Variants in FYTTD1 observed in about 807,000 individuals in gnomAD.
FYTTD1 encodes the protein UAP56-interacting factor.
FYTTD1 carries 22 observed loss-of-function variants against 40.9 expected under a neutral mutation model. The ratio of observed to expected loss-of-function variants is 0.54; its 90% CI spans 0.38 to 0.77. FYTTD1 has a LOEUF of 0.77. FYTTD1 is among the 30% of genes least tolerant of loss of function. The pLI is 0.00. For synonymous variants in FYTTD1, 140 were observed against 137.9 expected (o/e 1.01, Z -0.10); for missense variants, 351 against 392.2 (o/e 0.90, Z 0.89).
At position 197,783,797 on chromosome 3, in the gene FYTTD1, G is replaced by C. The variant is rs1730090153; in HGVS notation, c.*1888G>C. 1 of 152,398 alleles carries C rather than the reference G, an allele frequency of 6.6e-6. No individual in the cohort carries two copies. The highest frequency in any genetic ancestry group is 1.9e-4 in the East Asian group (1 of 5,192). 9.4% of individuals were successfully genotyped at this position (152,398 alleles called of 1,614,324 possible). The stretch of plus-strand genomic sequence containing the variant: ...GGTATAAAGGTGTTTTCATTTTCCT[G>C]TTCTTACCTATTATTGTATAGAGCT... On this transcript the variant is annotated 3_prime_UTR_variant, in exon 9 of 9. Transcript: ENST00000241502.
chr3:197,759,267 T>C (rs189667862), intron 2 of FYTTD1, among the ~76,000 whole-genome samples: 14 of 150,300 alleles, frequency 9.3e-5, no homozygotes, highest in Admixed American at 4.0e-4. Context: ...ATAGAGTTGT[T>C]CTTCAGTGGT....
chr3:197,777,677 A>G (rs1333172176), intron 7 of FYTTD1, among the ~76,000 whole-genome samples: 5 of 151,968 alleles, frequency 3.3e-5, no homozygotes, highest in African/African-American at 7.3e-5. Context: ...TTGCTTTATA[A>G]ACTTTGTCAA....
chr3:197,752,640 C>A (rs767826527), intron 1 of FYTTD1, among the ~76,000 whole-genome samples: 1 of 151,626 alleles, frequency 6.6e-6, no homozygotes, highest in Non-Finnish European at 1.5e-5. Flanking sequence ...TATTTTTATA[C>A]ATACACTATA....
chr3:197,785,569 A>G lies in FYTTD1; in HGVS notation c.*3660A>G, dbSNP rs1356772894. On this transcript the variant is annotated 3_prime_UTR_variant, in exon 9 of 9. Transcript: ENST00000241502. Reference sequence around the variant, plus strand: ...TAGCTTTGTAATTCACACAAAGTATACGGGCCCAGCAGGCCTCATTGCTCA... The same window carrying G: ...TAGCTTTGTAATTCACACAAAGTATGCGGGCCCAGCAGGCCTCATTGCTCA... The G allele has an allele frequency of 6.6e-6, 1 of 151,856 alleles. No individual in the cohort carries two copies. Among genetic ancestry groups the G allele is most frequent in the Non-Finnish European group, 1.5e-5 (1 of 67,992 alleles). 9.4% of individuals were successfully genotyped at this position (151,856 alleles called of 1,614,324 possible).
At chr3:197,776,850 G>A (rs1729889305) in intron 6 of FYTTD1, 77 bp from the exon 7 acceptor site, 1 of 958,732 alleles carries the variant, frequency 1.0e-6, no homozygotes, top group Admixed American at 2.2e-5. Context: ...TACTTTTAAT[G>A]TTCATTTTTA....
chr3:197,768,669 AT>A (rs2109047034), intron 3 of FYTTD1, 82 bp downstream of exon 3: 2 of 1,203,434 alleles, frequency 1.7e-6, no homozygotes, highest in African/African-American at 1.5e-5. Flanking sequence ...TTAAGAGAGA[AT>A]TTTATTTGTT....
intron 2 of FYTTD1, among the ~76,000 whole-genome samples, chr3:197,756,758 G>A (rs941487105): frequency 7.9e-5 from 12 of 152,118 alleles, no homozygotes; most frequent in South Asian, 2.1e-4. Flanking sequence ...TCTCTTAAAC[G>A]TTGTAAGTCA....
At chr3:197,761,290 C>T (rs149875346) in intron 2 of FYTTD1, among the ~76,000 whole-genome samples, 482 of 145,650 alleles carry the variant, frequency 3.3e-3, no homozygotes, top group Middle Eastern at 4.7e-3. Context: ...AGAGTTGTTC[C>T]TCAGTGGTGG....
chr3:197,781,654 T>C (rs1351682074), intron 8 of FYTTD1, among the ~76,000 whole-genome samples, 157 bp from the exon 9 acceptor site: 1 of 152,200 alleles, frequency 6.6e-6, no homozygotes, highest in Non-Finnish European at 1.5e-5. Context: ...TAATGTAGGC[T>C]TTATATGAGG....
chr3:197,780,566 G>A (rs1194038921), intron 8 of FYTTD1, among the ~76,000 whole-genome samples: 1 of 149,026 alleles, frequency 6.7e-6, no homozygotes, highest in Non-Finnish European at 1.5e-5. Context: ...TTTTTGAGAT[G>A]GAGTCTTGCT....
intron 3 of FYTTD1, among the ~76,000 whole-genome samples, chr3:197,769,895 C>T (rs1257255781): frequency 4.6e-5 from 7 of 152,096 alleles, no homozygotes; most frequent in African/African-American, 1.4e-4. Flanking sequence ...TCCAGAGCCA[C>T]GATTCCCCAT....
At chr3:197,766,927 A>G (rs1034781733) in intron 2 of FYTTD1, among the ~76,000 whole-genome samples, 3 of 152,192 alleles carry the variant, frequency 2.0e-5, no homozygotes, top group African/African-American at 7.2e-5. Flanking sequence ...TTTAAAATAT[A>G]TGTATACAAG....
chr3:197,774,936 CTT>C (rs1729833340), intron 6 of FYTTD1, among the ~76,000 whole-genome samples: 1 of 152,234 alleles, frequency 6.6e-6, no homozygotes, highest in Non-Finnish European at 1.5e-5. Context: ...ATAAATAAAT[CTT>C]GTTTTGTCCT....
chr3:197,751,302 C>G (rs1729032672), intron 1 of FYTTD1, among the ~76,000 whole-genome samples: 2 of 152,192 alleles, frequency 1.3e-5, no homozygotes, highest in Non-Finnish European at 2.9e-5. Context: ...TAGGTTTGGC[C>G]TCAAGTCTTG....
intron 4 of FYTTD1, among the ~76,000 whole-genome samples, chr3:197,771,749 C>G (rs1046498825): frequency 2.2e-5 from 3 of 139,480 alleles, no homozygotes; most frequent in South Asian, 2.3e-4. Flanking sequence ...TGCACTCCAG[C>G]CTGGGCGACA....
chr3:197,762,049 T>A (rs1426102202), intron 2 of FYTTD1, among the ~76,000 whole-genome samples: 1 of 152,192 alleles, frequency 6.6e-6, no homozygotes, highest in Non-Finnish European at 1.5e-5. Context: ...CCAGGGTCAC[T>A]TTTGTAAGGA....
chr3:197,756,004 T>C (rs1729202997), intron 1 of FYTTD1, among the ~76,000 whole-genome samples: 1 of 151,230 alleles, frequency 6.6e-6, no homozygotes, highest in South Asian at 2.1e-4. Flanking sequence ...AATGGAGGCT[T>C]CTGTGATTAT....
At chr3:197,771,776 CAA>C (rs755304777) in intron 4 of FYTTD1, among the ~76,000 whole-genome samples, 2 of 66,418 alleles carry the variant, frequency 3.0e-5, no homozygotes, top group Admixed American at 2.1e-4. Flanking sequence ...GACTCCGTCT[CAA>C]AAAAAAAAAA....
chr3:197,754,339 A>G (rs540179061), intron 1 of FYTTD1, among the ~76,000 whole-genome samples: 13 of 152,308 alleles, frequency 8.5e-5, no homozygotes, highest in African/African-American at 2.6e-4. Flanking sequence ...GTAGTTGGAC[A>G]TTAATTTCAA....
Sources: gnomAD v4.1 joint callset for allele counts (sites outside exome capture counted in the v4.1 genomes callset) on GRCh38, gnomAD v4.1.1 for gene constraint, MANE v1.5 for transcripts, NCBI Gene and HGNC (gene_info 2026-07-23, HGNC 2026-07-21) for gene names.